RTKN2: variants seen among roughly 807,000 people sequenced by gnomAD.
RTKN2 encodes rhotekin-2.
Under a neutral mutation model 71.5 loss-of-function variants are expected in RTKN2, and 69 were observed. The ratio of observed to expected loss-of-function variants is 0.96; its 90% CI spans 0.79 to 1.18. RTKN2 has a LOEUF of 1.18. Among genes scored for constraint, RTKN2 ranks in the 50% most tolerant of loss-of-function variants. The pLI, the probability that RTKN2 is intolerant of heterozygous loss-of-function variation, is 0.00. For missense variants in RTKN2, 724 were observed against 719.7 expected (o/e 1.01, Z -0.07); for synonymous variants, 236 against 236.5 (o/e 1.00, Z 0.02).
chr10:62,255,398 A>G (rs1842656043), intron 2 of RTKN2, among the ~76,000 whole-genome samples: 1 of 152,202 alleles, frequency 6.6e-6, no homozygotes, highest in Non-Finnish European at 1.5e-5. Flanking sequence ...GGGGCAGGGA[A>G]AATATAAAGC....
At position 62,195,160 on chromosome 10, in the gene RTKN2, A is replaced by G. The variant is rs1841297528; in HGVS notation, c.*2748T>C. The G allele has an allele frequency of 1.0e-6, 1 of 976,478 alleles. No individual in the cohort carries two copies. Among genetic ancestry groups the G allele is most frequent in the Non-Finnish European group, 1.2e-6 (1 of 821,932 alleles). 60.5% of individuals were successfully genotyped at this position (976,478 alleles called of 1,614,324 possible). Reference sequence around the variant, plus strand: ...GCTTGAAATGTAAAGGTAATTGTCTAAGACATTATCTTTAGATCATCAGAA... The same window carrying G: ...GCTTGAAATGTAAAGGTAATTGTCTGAGACATTATCTTTAGATCATCAGAA... On this transcript the variant is annotated 3_prime_UTR_variant, in exon 12 of 12. Transcript: ENST00000373789.
In RTKN2 at chr10:62,196,490, A is replaced by G. The variant is rs965279548; in HGVS notation, c.*1418T>C. On this transcript the variant is annotated 3_prime_UTR_variant, in exon 12 of 12. Coordinates refer to ENST00000373789, the MANE Select transcript of RTKN2 (RefSeq NM_145307.4). ...CAGTTACATCATTCTCTATAAATGGAAAAGACCCCGCTATCTGAAAATAAT... is the reference window on the plus strand; with the variant it reads ...CAGTTACATCATTCTCTATAAATGGGAAAGACCCCGCTATCTGAAAATAAT... 6 of 985,188 alleles carry G rather than the reference A, an allele frequency of 6.1e-6. No individual in the cohort carries two copies. In the Admixed American group the frequency reaches 3.1e-4, roughly 51 times the overall value. The allele number at this position is 985,188 out of a possible 1,614,324, so 61.0% of individuals were successfully genotyped here.
chr10:62,225,839 T>C (rs1842010211), intron 6 of RTKN2, among the ~76,000 whole-genome samples: 1 of 151,514 alleles, frequency 6.6e-6, no homozygotes, highest in Admixed American at 6.6e-5. Flanking sequence ...TGGAGTGCAG[T>C]GGCACAATCT....
intron 8 of RTKN2, among the ~76,000 whole-genome samples, chr10:62,184,719 A>G (rs1251555790): frequency 1.3e-5 from 2 of 152,210 alleles, no homozygotes; most frequent in Non-Finnish European, 2.9e-5. Context: ...TTGAATAAGT[A>G]CTGCAGTTAT....
chr10:62,203,782 T>C (rs1352326527), intron 10 of RTKN2, among the ~76,000 whole-genome samples: 1 of 152,244 alleles, frequency 6.6e-6, no homozygotes, highest in Non-Finnish European at 1.5e-5. Flanking sequence ...GGGAACCCTC[T>C]AGTTCGATGC....
chr10:62,227,544 G>T (rs755128375), intron 6 of RTKN2, among the ~76,000 whole-genome samples: 1 of 152,146 alleles, frequency 6.6e-6, no homozygotes, highest in African/African-American at 2.4e-5. Flanking sequence ...TGTCCAAAAG[G>T]TAAGTAGGGG....
chr10:62,200,518 G>T (rs759980624), intron 10 of RTKN2, among the ~76,000 whole-genome samples: 1 of 151,712 alleles, frequency 6.6e-6, no homozygotes, highest in Non-Finnish European at 1.5e-5. Flanking sequence ...GTTTGGGAAG[G>T]GTTTTCTTCT....
intron 9 of RTKN2, among the ~76,000 whole-genome samples, chr10:62,208,630 T>C (rs1841595392): frequency 6.6e-6 from 1 of 152,134 alleles, no homozygotes; most frequent in Admixed American, 6.5e-5. Flanking sequence ...AACCATCTCA[T>C]TGTTTTGGTA....
intron 3 of RTKN2, among the ~76,000 whole-genome samples, chr10:62,244,504 A>G (rs1335887578): frequency 6.6e-6 from 1 of 151,056 alleles, no homozygotes; most frequent in African/African-American, 2.4e-5. Context: ...ATGACAATAG[A>G]TGTTGACTAT....
intron 8 of RTKN2, among the ~76,000 whole-genome samples, chr10:62,186,809 A>G (rs1458906045): frequency 2.0e-5 from 3 of 152,096 alleles, no homozygotes; most frequent in African/African-American, 7.3e-5. Flanking sequence ...TTCATCCTCC[A>G]TCCTCAGATG....
exon 9 of RTKN2, chr10:62,184,155 T>C: frequency 1.9e-6 from 1 of 519,384 alleles, no homozygotes; most frequent in Non-Finnish European, 3.4e-6. Flanking sequence ...CAATGACTCT[T>C]AAATATTCTT....
At chr10:62,255,428 G>C (rs1842656867) in intron 2 of RTKN2, among the ~76,000 whole-genome samples, 1 of 152,082 alleles carries the variant, frequency 6.6e-6, no homozygotes, top group African/African-American at 2.4e-5. Flanking sequence ...TCGTCTTTTT[G>C]TGTCAGGAAG....
intron 2 of RTKN2, among the ~76,000 whole-genome samples, chr10:62,254,596 C>T (rs1589382370): frequency 2.0e-5 from 3 of 152,174 alleles, no homozygotes; most frequent in African/African-American, 7.2e-5. Context: ...TATACGTATA[C>T]ACACACAAAG....
chr10:62,235,995 T>G, intron 6 of RTKN2, 71 bp downstream of exon 6: 4 of 1,110,048 alleles, frequency 3.6e-6, no homozygotes, highest in Non-Finnish European at 3.9e-6. Flanking sequence ...AAACATACAC[T>G]TCACATATAA....
rs1160777506 is a variant in RTKN2 at position 62,214,621 on chromosome 10, A to G, written c.1020+2497T>C. Among the ~76,000 whole-genome samples, 4 of 152,186 alleles carry G rather than the reference A, an allele frequency of 2.6e-5. No homozygotes were observed. The East Asian group carries it at 7.7e-4, about 29-fold the overall frequency. On this transcript the variant is annotated intron_variant, in intron 9 of 11. Coordinates refer to ENST00000373789, the MANE Select transcript of RTKN2 (RefSeq NM_145307.4). ...CCTTGTCATCAGACTGAAAATACAG[A>G]CACACTGACTACAATAACACAGTTT... is the stretch of plus-strand genomic sequence containing the variant.
Position 62,205,041 on chromosome 10 carries a change from A to C in RTKN2, c.1021-19T>G, listed in dbSNP as rs553925311. The C allele has an allele frequency of 3.2e-6, 5 of 1,569,536 alleles. No individual in the cohort carries two copies. In the South Asian group the frequency reaches 6.2e-5, roughly 19 times the overall value. ...TGGTTTCCTAAAAATTAAGAAAAAA[A>C]TTGGGGTTTTGCATGAGAAAATTTC... On this transcript the variant is annotated intron_variant, in intron 9 of 11. Transcript: ENST00000373789.
intron 3 of RTKN2, among the ~76,000 whole-genome samples, chr10:62,242,660 G>A (rs1444220083): frequency 6.6e-6 from 1 of 151,520 alleles, no homozygotes; most frequent in Non-Finnish European, 1.5e-5. Flanking sequence ...CTACCACCCA[G>A]GCTGGAGTGC....
chr10:62,198,592 A>C lies in RTKN2; in HGVS notation c.1295-149T>G, dbSNP rs186163901. The C allele has an allele frequency of 2.2e-5, 13 of 584,420 alleles. No homozygotes were observed. The African/African-American group carries it at 2.3e-4, about 10-fold the overall frequency. The allele number at this position is 584,420 out of a possible 1,614,324, so 36.2% of individuals were successfully genotyped here. ...AACGTTCACTTGTAAAAATAACCACACCATCAGAACTAAAAAGATCATGCG... is the reference window on the plus strand; with the variant it reads ...AACGTTCACTTGTAAAAATAACCACCCCATCAGAACTAAAAAGATCATGCG... On this transcript the variant is annotated intron_variant, in intron 11 of 11. Coordinates refer to ENST00000373789, the MANE Select transcript of RTKN2 (RefSeq NM_145307.4).
intron 6 of RTKN2, among the ~76,000 whole-genome samples, chr10:62,226,647 T>C (rs531468337): frequency 6.6e-6 from 1 of 152,388 alleles, no homozygotes; most frequent in East Asian, 1.9e-4. Flanking sequence ...TAACTGCTGC[T>C]AGAACTAAGA....
Sources: gnomAD v4.1 joint callset for allele counts (sites outside exome capture counted in the v4.1 genomes callset) on GRCh38, gnomAD v4.1.1 for gene constraint, MANE v1.5 for transcripts, NCBI Gene and HGNC (gene_info 2026-07-23, HGNC 2026-07-21) for gene names.